The following BTAF1 variants were observed in gnomAD, a reference collection of about 807,000 sequenced individuals.
BTAF1 encodes the protein B-TFIID TATA-box binding protein associated factor 1.
A neutral mutation model predicts 227.1 loss-of-function variants in BTAF1; 38 were observed. The ratio of observed to expected loss-of-function variants is 0.17; its 90% CI spans 0.13 to 0.22. BTAF1 has a LOEUF of 0.22. Among genes scored for constraint, BTAF1 ranks in the 10% least tolerant of loss-of-function variants. BTAF1 has a pLI of 1.00. For missense variants in BTAF1, 1,598 were observed against 2,204.0 expected, an observed-to-expected ratio of 0.73 and a Z score of 5.51; for synonymous variants, 742 against 751.9, an observed-to-expected ratio of 0.99 and a Z score of 0.21.
chr10:91,949,606 A>G (rs1001801866), intron 4 of BTAF1, among the ~76,000 whole-genome samples: 2 of 152,088 alleles, frequency 1.3e-5, no homozygotes, highest in East Asian at 1.9e-4. Context: ...AATAGCTCAA[A>G]TCTCAATTTT....
chr10:91,980,171 A>T (rs976561435), intron 14 of BTAF1, among the ~76,000 whole-genome samples: 2 of 152,164 alleles, frequency 1.3e-5, no homozygotes, highest in African/African-American at 4.8e-5. Flanking sequence ...ATGGTTCCAT[A>T]TGGAGGATGA....
chr10:92,014,010 G>A lies in BTAF1; in HGVS notation c.4565G>A (p.Cys1522Tyr). The stretch of plus-strand genomic sequence containing the variant: ...CCTAAAATTATTCAAGACTATTATT[G>A]TACTCTTAGTCCTCTCCAGGTTAGG... ...LPPKIIQDYY[C>Y]TLSPLQVQLY... The change falls in exon 32 of 38, where the codon TGT becomes TAT. Residue 1522 changes from cysteine to tyrosine, a missense_variant. Cys to Tyr is a radical substitution (Grantham distance 194). Around this residue, in one of 10 missense-constraint regions of BTAF1, gnomAD observed 205 missense variants for 244.5 expected, o/e 0.84. Transcript: ENST00000265990. The A allele has an allele frequency of 6.2e-7, 1 of 1,612,498 alleles. No homozygotes were observed. Among genetic ancestry groups the A allele is most frequent in the Non-Finnish European group, 8.5e-7 (1 of 1,179,556 alleles).
At chr10:91,939,887 C>G in intron 2 of BTAF1, 65 bp from the exon 3 acceptor site, 1 of 1,022,004 alleles carries the variant, frequency 9.8e-7, no homozygotes, top group South Asian at 1.6e-5. Context: ...TTGTATTTCT[C>G]TGTTCTGGCT....
At chr10:91,961,661 A>C (rs1204673142) in intron 11 of BTAF1, among the ~76,000 whole-genome samples, 1 of 152,160 alleles carries the variant, frequency 6.6e-6, no homozygotes, top group Non-Finnish European at 1.5e-5. Context: ...CTCTGTAGAT[A>C]ACAGTAGACT....
Position 92,018,890 on chromosome 10 carries a change from T to C in BTAF1, c.4818T>C (p.Ser1606=). The C allele has an allele frequency of 6.2e-7, 1 of 1,609,392 alleles. No homozygotes were observed. ...TAEKLAVQNS[S]LHDIQHAPKL... is the part of the protein sequence containing the mutation. ...AAAAACTGGCAGTTCAGAATTCTTC[T>C]CTACATGATATTCAACATGCCCCTA... The change falls in exon 34 of 38, where the codon TCT becomes TCC. Residue 1606 remains serine, a synonymous_variant. Transcript: ENST00000265990.
rs200307714 is a variant in BTAF1 at position 91,959,132 on chromosome 10, T to C, written c.968T>C (p.Met323Thr). The C allele has an allele frequency of 3.9e-4, 630 of 1,613,970 alleles. No individual in the cohort carries two copies. Among genetic ancestry groups the C allele is most frequent in the Non-Finnish European group, 5.2e-4 (610 of 1,179,996 alleles). The change falls in exon 9 of 38, where the codon ATG becomes ACG. Residue 323 changes from methionine (M) to threonine (T), a missense_variant. Around this residue, in one of 10 missense-constraint regions of BTAF1, gnomAD observed 298 missense variants for 395.2 expected, o/e 0.75. Transcript: ENST00000265990. ...LKAHGKSGGK[M>T]GDSTLEEMIQ... ...GCTCATGGGAAAAGTGGTGGTAAAA[T>C]GGGTGACAGCACTTTAGAAGAGGTA...
chr10:92,017,573 G>A (rs1178962949), intron 33 of BTAF1, among the ~76,000 whole-genome samples: 1 of 151,688 alleles, frequency 6.6e-6, no homozygotes, highest in Non-Finnish European at 1.5e-5. Context: ...TGGAGTGGTG[G>A]GATCATAGCT....
intron 13 of BTAF1, 152 bp from the exon 14 acceptor site, chr10:91,966,485 T>C (rs2133921454): frequency 4.0e-6 from 3 of 741,848 alleles, no homozygotes; most frequent in African/African-American, 3.5e-5. Context: ...TACATGAATG[T>C]TCATATGAAA....
At chr10:91,966,150 A>G (rs1052809543) in intron 13 of BTAF1, among the ~76,000 whole-genome samples, 1 of 152,208 alleles carries the variant, frequency 6.6e-6, no homozygotes, top group Non-Finnish European at 1.5e-5. Flanking sequence ...ATAAATGTCA[A>G]AGTTGCTACC....
chr10:92,022,803 T>C (rs999036872), intron 34 of BTAF1, among the ~76,000 whole-genome samples: 1 of 152,158 alleles, frequency 6.6e-6, no homozygotes, highest in Non-Finnish European at 1.5e-5. Context: ...AACAGCTGAA[T>C]AGTAATTTGA....
chr10:91,961,062 C>G (rs912972412), intron 11 of BTAF1, among the ~76,000 whole-genome samples: 22 of 152,152 alleles, frequency 1.4e-4, no homozygotes, highest in African/African-American at 5.3e-4. Context: ...TTTTCTCCTT[C>G]TCCCTGCTTC....
chr10:91,998,263 T>G (rs576545198), intron 25 of BTAF1, among the ~76,000 whole-genome samples: 1 of 152,340 alleles, frequency 6.6e-6, no homozygotes, highest in Admixed American at 6.5e-5. Context: ...TGGTACTTTT[T>G]TCCTTTAACA....
intron 25 of BTAF1, among the ~76,000 whole-genome samples, chr10:92,004,610 G>A (rs1849756773): frequency 2.6e-5 from 4 of 152,116 alleles, no homozygotes; most frequent in Admixed American, 2.0e-4. Flanking sequence ...TGGGACTACA[G>A]GTGTGTGCCA....
At chr10:91,968,830 C>T (rs1305325003) in intron 14 of BTAF1, among the ~76,000 whole-genome samples, 1 of 152,060 alleles carries the variant, frequency 6.6e-6, no homozygotes, top group Admixed American at 6.5e-5. Flanking sequence ...CGCCATCTAC[C>T]TCTCATCTTC....
intron 13 of BTAF1, 122 bp downstream of exon 13, chr10:91,964,323 C>A: frequency 8.9e-7 from 1 of 1,120,060 alleles, no homozygotes; most frequent in Non-Finnish European, 1.2e-6. Context: ...CTGGAGATGC[C>A]AAAGACTACC....
At chr10:92,003,518 G>A (rs1240475363) in intron 25 of BTAF1, among the ~76,000 whole-genome samples, 1 of 152,130 alleles carries the variant, frequency 6.6e-6, no homozygotes, top group African/African-American at 2.4e-5. Flanking sequence ...TTCTGTGCCT[G>A]GCTGGTTTCC....
At chr10:91,936,468 A>G (rs1844619219) in intron 2 of BTAF1, among the ~76,000 whole-genome samples, 1 of 101,390 alleles carries the variant, frequency 9.9e-6, no homozygotes, top group African/African-American at 5.4e-5. Flanking sequence ...TTTCAGTTTG[A>G]CCCCCTTTTT....
rs561873805 is a variant in BTAF1 at position 91,991,271 on chromosome 10, A to AATATAAAT, written c.2855-843_2855-842insAATATATA. Among the ~76,000 whole-genome samples, 7 of 66,230 alleles carry AATATAAAT rather than the reference A, an allele frequency of 1.1e-4. 1 individual carries two copies. The highest frequency in any genetic ancestry group is 1.5e-4 in the Non-Finnish European group (4 of 26,698). 43.4% of individuals were successfully genotyped at this position (66,230 alleles called of 152,430 possible). On this transcript the variant is annotated intron_variant, in intron 20 of 37. Coordinates refer to ENST00000265990, the MANE Select transcript of BTAF1 (RefSeq NM_003972.3). ...AAAAAAATATATAAATATAAATATA[A>AATATAAAT]ATATATATATATATATATATAAATT... is the stretch of plus-strand genomic sequence containing the variant.
At chr10:91,963,984 T>C (rs1846708395) in intron 12 of BTAF1, 93 bp from the exon 13 acceptor site, 2 of 1,368,094 alleles carry the variant, frequency 1.5e-6, no homozygotes, top group Admixed American at 4.1e-5. Context: ...GCATGTGTTG[T>C]TGAATCAGTA....
Sources: gnomAD v4.1 joint callset for allele counts (sites outside exome capture counted in the v4.1 genomes callset) on GRCh38, gnomAD v4.1.1 for gene constraint, gnomAD v4.1.1 regional missense constraint, MANE v1.5 for transcripts, NCBI Gene and HGNC (gene_info 2026-07-23, HGNC 2026-07-21) for gene names.